GDF7: variants seen among roughly 807,000 people sequenced by gnomAD.
The protein encoded by GDF7 is growth/differentiation factor 7.
In GDF7, 12 loss-of-function variants were observed where a neutral mutation model predicts 13.4. The ratio of observed to expected loss-of-function variants is 0.90; its 90% CI spans 0.57 to 1.45. The LOEUF (loss-of-function observed/expected upper bound fraction) is 1.45. Among genes scored for constraint, GDF7 ranks in the 40% most tolerant of loss-of-function variants. The probability of loss-of-function intolerance (pLI) is 0.00; values close to 1 mark genes in which losing one functional copy is unlikely to be tolerated. For missense variants in GDF7, 651 were observed against 652.4 expected (o/e 1.00, Z 0.02); for synonymous variants, 330 against 306.4 (o/e 1.08, Z -0.80).
At chr2:20,669,897 G>C (rs1662082487) in intron 1 of GDF7, among the ~76,000 whole-genome samples, 1 of 152,248 alleles carries the variant, frequency 6.6e-6, no homozygotes, top group South Asian at 2.1e-4. Context: ...CAGCAGGGAT[G>C]TCCAGGCTGG....
At chr2:20,668,120 G>A (rs1696002088) in intron 1 of GDF7, among the ~76,000 whole-genome samples, 2 of 152,208 alleles carry the variant, frequency 1.3e-5, no homozygotes, top group Admixed American at 1.3e-4. Flanking sequence ...GGAAAACTAG[G>A]GCAGAGGCAG....
rs1205553080 is a variant in GDF7, at chr2:20,675,676, G to A, written c.*4251G>A. 6.6e-6 allele frequency: 1 copy of A among 152,276 alleles called. No homozygotes were observed. Among genetic ancestry groups the A allele is most frequent in the Non-Finnish European group, 1.5e-5 (1 of 68,070 alleles). 9.4% of individuals were successfully genotyped at this position (152,276 alleles called of 1,614,324 possible). On this transcript the variant is annotated 3_prime_UTR_variant, in exon 2 of 2. Coordinates refer to ENST00000272224, the MANE Select transcript of GDF7 (RefSeq NM_182828.4). ...CCTTGCCTCAAAACCCACTCAGATA[G>A]CTTGAAGGCAGAGCAAATGTGATGG...
chr2:20,667,601 T>C lies in GDF7; in HGVS notation c.362T>C (p.Ile121Thr). 1 of 1,509,518 alleles carries C rather than the reference T, an allele frequency of 6.6e-7. No homozygotes were observed. Among genetic ancestry groups the C allele is most frequent in the South Asian group, 1.2e-5 (1 of 81,894 alleles). The allele number at this position is 1,509,518 out of a possible 1,614,324, so 93.5% of individuals were successfully genotyped here. ...SASGHGRADT[I>T]TGFTDQATQD... is the part of the protein sequence containing the mutation. ...TCGGGCCATGGTCGCGCGGACACGA[T>C]CACCGGCTTCACAGACCAGGCGACC... Residue 121 changes from isoleucine (I) to threonine (T), a missense_variant, in exon 1 of 2, where the codon ATC becomes ACC. By Grantham distance (89) the Ile-to-Thr change is moderately conservative. Around this residue, in one of 4 missense-constraint regions of GDF7, gnomAD observed 487 missense variants for 445.9 expected, o/e 1.09. Coordinates refer to ENST00000272224, the MANE Select transcript of GDF7 (RefSeq NM_182828.4). This position sits in a 1 kb window ranked among gnomAD's most constrained non-coding sequence, Gnocchi z 6.4.
In GDF7 at chr2:20,670,678, C is replaced by T. The variant is rs1359392177; in HGVS notation, c.606C>T (p.Pro202=). Residue 202 remains proline (P), a synonymous_variant, in exon 2 of 2, where the codon CCC becomes CCT. Transcript: ENST00000272224. Reference sequence around the variant, plus strand: ...TGCTGTACTCGCGGGCAGCTGAGCCCCTAGTCGGTCAGCGCTGGGAGGCGT... The same window carrying T: ...TGCTGTACTCGCGGGCAGCTGAGCCTCTAGTCGGTCAGCGCTGGGAGGCGT... ...PRLLYSRAAE[P]LVGQRWEAFD... 7 of 1,516,690 alleles carry T rather than the reference C, an allele frequency of 4.6e-6. No homozygotes were observed. The highest frequency in any genetic ancestry group is 2.5e-5 in the East Asian group (1 of 40,202). 94.0% of individuals were successfully genotyped at this position (1,516,690 alleles called of 1,614,324 possible).
rs1438973269 is a variant in GDF7 at position 20,670,472 on chromosome 2, G to A, written c.400G>A (p.Ala134Thr). The A allele has an allele frequency of 6.5e-7, 1 of 1,537,938 alleles. No individual in the cohort carries two copies. The highest frequency in any genetic ancestry group is 2.0e-5 in the Admixed American group (1 of 50,486). Residue 134 changes from alanine (A) to threonine (T), a missense_variant, in exon 2 of 2, where the codon GCA becomes ACA. This residue lies in a region of GDF7 where 487 missense variants were observed against 445.9 expected (regional missense o/e 1.09). Transcript: ENST00000272224. The stretch of plus-strand genomic sequence containing the variant: ...CTGCCGGTCCCCCGCAGACGAATCG[G>A]CAGCCGAAACAGGCCAGAGCTTCCT... Reference protein sequence around the residue: ...FTDQATQDESAAETGQSFLFD... With the variant: ...FTDQATQDESTAETGQSFLFD...
In GDF7 at chr2:20,670,972, G is replaced by A. The variant is rs1305571468; in HGVS notation, c.900G>A (p.Leu300=). ...ALGAALASEP[L]PDPGTGTASP... ...GGGCCGCTCTGGCCTCAGAGCCGCT[G>A]CCCGACCCAGGAACCGGCACCGCGT... Residue 300 remains leucine, a synonymous_variant, in exon 2 of 2, where the codon CTG becomes CTA. Coordinates refer to ENST00000272224, the MANE Select transcript of GDF7 (RefSeq NM_182828.4). 3 of 1,558,124 alleles carry A rather than the reference G, an allele frequency of 1.9e-6. No homozygotes were observed. The highest frequency in any genetic ancestry group is 2.6e-6 in the Non-Finnish European group (3 of 1,158,972).
In GDF7 at chr2:20,671,703, C is replaced by A; in HGVS notation, c.*278C>A. 2.3e-6 allele frequency: 1 copy of A among 438,656 alleles called. No individual in the cohort carries two copies. Among genetic ancestry groups the A allele is most frequent in the Non-Finnish European group, 4.2e-6 (1 of 240,628 alleles). 27.2% of individuals were successfully genotyped at this position (438,656 alleles called of 1,614,324 possible). ...AGATAACCATGGCGCCCACTGCCCCCATTTAGGGAGAGGAAGGTGTTTGTG... is the reference window on the plus strand; with the variant it reads ...AGATAACCATGGCGCCCACTGCCCCAATTTAGGGAGAGGAAGGTGTTTGTG... On this transcript the variant is annotated 3_prime_UTR_variant, in exon 2 of 2. Transcript: ENST00000272224.
chr2:20,670,248 G>C (rs1662087363), intron 1 of GDF7, among the ~76,000 whole-genome samples: 1 of 152,188 alleles, frequency 6.6e-6, no homozygotes, highest in Non-Finnish European at 1.5e-5. Flanking sequence ...ACCAAAGCTC[G>C]GTTCGGATAT....
chr2:20,670,624 G>T lies in GDF7; in HGVS notation c.552G>T (p.Thr184=). ...WTSPPLLLLS[T]CPGAARAPRL... ...CTCCGCCGTTGCTGCTGCTGTCCAC[G>T]TGCCCGGGCGCCGCCCGAGCGCCAC... Residue 184 remains threonine (T), a synonymous_variant, in exon 2 of 2, where the codon ACG becomes ACT. Transcript: ENST00000272224. 1 of 1,571,990 alleles carries T rather than the reference G, an allele frequency of 6.4e-7. No homozygotes were observed. Among genetic ancestry groups the T allele is most frequent in the Non-Finnish European group, 8.6e-7 (1 of 1,162,064 alleles).
chr2:20,671,856 G>A lies in GDF7; in HGVS notation c.*431G>A. Reference sequence around the variant, plus strand: ...TCTCACCCCCTTTTGTTTCTGGCCCGATGTGGGGCATCGCTTCCCTGGGGG... The same window carrying A: ...TCTCACCCCCTTTTGTTTCTGGCCCAATGTGGGGCATCGCTTCCCTGGGGG... On this transcript the variant is annotated 3_prime_UTR_variant, in exon 2 of 2. Transcript: ENST00000272224. 4.9e-6 allele frequency: 1 copy of A among 202,566 alleles called. No homozygotes were observed. Among genetic ancestry groups the A allele is most frequent in the East Asian group, 1.4e-4 (1 of 7,028 alleles). The allele number at this position is 202,566 out of a possible 1,614,324, so 12.5% of individuals were successfully genotyped here.
rs1281622198 is a variant in GDF7, at chr2:20,667,627, C to G, written c.388C>G (p.Gln130Glu). ...TITGFTDQAT[Q>E]DESAAETGQS... Reference sequence around the variant, plus strand: ...CACCGGCTTCACAGACCAGGCGACCCAAGGTACTTACGCCTCTTCTGTGCC... The same window carrying G: ...CACCGGCTTCACAGACCAGGCGACCGAAGGTACTTACGCCTCTTCTGTGCC... The change falls in exon 1 of 2, where the codon CAA (glutamine) becomes GAA (glutamate). Residue 130 changes from glutamine (Q) to glutamate (E), a missense_variant. By Grantham distance (29) the Gln-to-Glu change is conservative. Coordinates refer to ENST00000272224, the MANE Select transcript of GDF7 (RefSeq NM_182828.4). The surrounding 1 kb of genome is among the most constrained non-coding windows in gnomAD (Gnocchi z 6.4). 6 of 1,493,694 alleles carry G rather than the reference C, an allele frequency of 4.0e-6. No individual in the cohort carries two copies. The highest frequency in any genetic ancestry group is 5.3e-6 in the Non-Finnish European group (6 of 1,127,772). 92.5% of individuals were successfully genotyped at this position (1,493,694 alleles called of 1,614,324 possible). A position where few individuals can be genotyped will look rare whatever the true frequency, so the allele number is the denominator to read the frequency against.
At chr2:20,669,350 G>GT (rs1327863202) in intron 1 of GDF7, among the ~76,000 whole-genome samples, 1 of 152,122 alleles carries the variant, frequency 6.6e-6, no homozygotes, top group African/African-American at 2.4e-5. Context: ...GTCTCTCCGA[G>GT]TTTAGGGGCA....
rs1695980759 is a variant in GDF7 at position 20,667,357 on chromosome 2, C to T, written c.118C>T (p.Pro40Ser). The T allele has an allele frequency of 2.6e-6, 1 of 387,478 alleles. No individual in the cohort carries two copies. Among genetic ancestry groups the T allele is most frequent in the East Asian group, 2.9e-4 (1 of 3,446 alleles). 24.0% of individuals were successfully genotyped at this position (387,478 alleles called of 1,614,324 possible). A position where few individuals can be genotyped will look rare whatever the true frequency, so the allele number is the denominator to read the frequency against. The change falls in exon 1 of 2, where the codon CCA becomes TCA. Residue 40 changes from proline (P) to serine (S), a missense_variant. Pro to Ser is a moderately conservative substitution (Grantham distance 74). Around this residue, in one of 4 missense-constraint regions of GDF7, gnomAD observed 61 missense variants for 50.5 expected, o/e 1.21. Coordinates refer to ENST00000272224, the MANE Select transcript of GDF7 (RefSeq NM_182828.4). This position sits in a 1 kb window ranked among gnomAD's most constrained non-coding sequence, Gnocchi z 6.4. ...RAAGAGPVRS[P>S]GGGGGGGGGG... ...GGCGGGGGCTGGGCCGGTCCGGAGC[C>T]CAGGGGGCGGCGGCGGCGGCGGCGG...
chr2:20,669,292 C>A (rs951198140), intron 1 of GDF7, among the ~76,000 whole-genome samples: 1 of 152,144 alleles, frequency 6.6e-6, no homozygotes, highest in African/African-American at 2.4e-5. Flanking sequence ...GAGGGCCTGA[C>A]CTTCGTGGCT....
intron 1 of GDF7, among the ~76,000 whole-genome samples, chr2:20,669,812 GA>G (rs1379293039): frequency 6.6e-6 from 1 of 152,266 alleles, no homozygotes; most frequent in Non-Finnish European, 1.5e-5. Flanking sequence ...AGTTGGACTA[GA>G]AGGTCTCTGC....
In GDF7 at chr2:20,670,784, G is replaced by T; in HGVS notation, c.712G>T (p.Ala238Ser). The T allele has an allele frequency of 6.7e-7, 1 of 1,483,734 alleles. No individual in the cohort carries two copies. The highest frequency in any genetic ancestry group is 2.2e-4 in the Middle Eastern group (1 of 4,516). The allele number at this position is 1,483,734 out of a possible 1,614,324, so 91.9% of individuals were successfully genotyped here. The change falls in exon 2 of 2, where the codon GCA becomes TCA. Residue 238 changes from alanine to serine, a missense_variant. Physicochemically the swap from Ala to Ser is moderately conservative, Grantham distance 99 (BLOSUM62 1). Coordinates refer to ENST00000272224, the MANE Select transcript of GDF7 (RefSeq NM_182828.4). ...RAFCLLLRAV[A>S]GPVPSPLALR... is the part of the protein sequence containing the mutation. The stretch of plus-strand genomic sequence containing the variant: ...GTTCTGCCTCTTGCTGCGCGCAGTG[G>T]CAGGCCCGGTGCCGAGCCCGTTGGC...
chr2:20,670,134 C>T (rs1225732280), intron 1 of GDF7, among the ~76,000 whole-genome samples: 1 of 152,092 alleles, frequency 6.6e-6, no homozygotes, highest in Non-Finnish European at 1.5e-5. Flanking sequence ...ACTATAGCAG[C>T]CTGCAGTCCT....
rs1335779606 is a variant in GDF7 at position 20,670,737 on chromosome 2, G to T, written c.665G>T (p.Arg222Leu). The T allele has an allele frequency of 6.7e-7, 1 of 1,484,714 alleles. No individual in the cohort carries two copies. The highest frequency in any genetic ancestry group is 8.9e-7 in the Non-Finnish European group (1 of 1,123,560). 92.0% of individuals were successfully genotyped at this position (1,484,714 alleles called of 1,614,324 possible). A position where few individuals can be genotyped will look rare whatever the true frequency, so the allele number is the denominator to read the frequency against. Reference sequence around the variant, plus strand: ...GCGGACGCCATGAGGCGCCACCGTCGTGAACCGCGCCCCCCCCGCGCGTTC... The same window carrying T: ...GCGGACGCCATGAGGCGCCACCGTCTTGAACCGCGCCCCCCCCGCGCGTTC... ...DVADAMRRHR[R>L]EPRPPRAFCL... is the part of the protein sequence containing the mutation. Residue 222 changes from arginine to leucine, a missense_variant, in exon 2 of 2, where the codon CGT becomes CTT. Arg to Leu is a moderately radical substitution (Grantham distance 102, BLOSUM62 -2). This residue lies in a region of GDF7 where 487 missense variants were observed against 445.9 expected (regional missense o/e 1.09). Transcript: ENST00000272224.
At position 20,672,234 on chromosome 2, in the gene GDF7, G is replaced by C. The variant is rs1662140773; in HGVS notation, c.*809G>C. 6.6e-6 allele frequency: 1 copy of C among 151,960 alleles called. No individual in the cohort carries two copies. The highest frequency in any genetic ancestry group is 2.4e-5 in the African/African-American group (1 of 41,358). 9.4% of individuals were successfully genotyped at this position (151,960 alleles called of 1,614,324 possible). ...TCTGATCTAACAGGATATTGGGGTG[G>C]GATAGGATCTGCCAGGTTCGGAAGC... On this transcript the variant is annotated 3_prime_UTR_variant, in exon 2 of 2. Transcript: ENST00000272224.
Sources: allele counts gnomAD v4.1 joint callset (sites outside exome capture counted in the v4.1 genomes callset), GRCh38; gene constraint gnomAD v4.1.1; regional missense constraint gnomAD v4.1.1; non-coding constraint Gnocchi (gnomAD v3.1); transcripts MANE v1.5; gene names NCBI Gene and HGNC (gene_info 2026-07-23, HGNC 2026-07-21).